AKAP19: variants seen among roughly 807,000 people sequenced by gnomAD.
AKAP19 encodes the protein A-kinase anchoring protein 19, also known as small A-kinase anchoring protein.
At chr2:189,913,957 T>A in the AKAP19 span, among the ~76,000 whole-genome samples, 4 of 152,066 alleles carry the variant, frequency 2.6e-5, no homozygotes, top group African/African-American at 9.7e-5. Context: ...AGACTATGCT[T>A]TAGAATATTC....
chr2:190,026,177 C>A, the AKAP19 span, among the ~76,000 whole-genome samples: 1 of 152,176 alleles, frequency 6.6e-6, no homozygotes, highest in Non-Finnish European at 1.5e-5. Context: ...GTTTCTTCTA[C>A]TCCAGGGATG....
the AKAP19 span, among the ~76,000 whole-genome samples, chr2:189,936,730 A>G: frequency 6.6e-6 from 1 of 152,232 alleles, no homozygotes; most frequent in Admixed American, 6.5e-5. Context: ...ATGATCTGAT[A>G]CACACAACAA....
chr2:190,015,366 C>T, the AKAP19 span, among the ~76,000 whole-genome samples: 1 of 152,184 alleles, frequency 6.6e-6, no homozygotes, highest in South Asian at 2.1e-4. Context: ...GGGGCTTATA[C>T]CCTCTGAAAC....
chr2:190,152,502 A>G, the AKAP19 span, among the ~76,000 whole-genome samples: 1,590 of 152,352 alleles, frequency 0.01, 25 homozygotes, highest in African/African-American at 0.036. Context: ...CTGTCTTTTC[A>G]TAAGCCAATC....
At chr2:190,053,974 A>G in the AKAP19 span, among the ~76,000 whole-genome samples, 5 of 152,120 alleles carry the variant, frequency 3.3e-5, no homozygotes, top group Non-Finnish European at 5.9e-5. Flanking sequence ...AAAAATTTTT[A>G]TATATGTTAT....
At chr2:190,180,602 A>T in the AKAP19 span, 1 of 985,684 alleles carries the variant, frequency 1.0e-6, no homozygotes, top group South Asian at 4.7e-5. The surrounding 1 kb of genome is among the most constrained non-coding windows in gnomAD (Gnocchi z 6.8). Flanking sequence ...GGTGGCCCAG[A>T]CCAACCGGCT....
chr2:190,140,580 A>G, the AKAP19 span, among the ~76,000 whole-genome samples: 1 of 152,194 alleles, frequency 6.6e-6, no homozygotes, highest in Non-Finnish European at 1.5e-5. Context: ...CTCTGAAGCC[A>G]TGGCCACACT....
At chr2:190,164,182 A>C in the AKAP19 span, 3 of 152,392 alleles carry the variant, frequency 2.0e-5, no homozygotes, top group Non-Finnish European at 4.4e-5. Flanking sequence ...TGAAAAACTT[A>C]GTCCTGCAAT....
At chr2:189,908,394 A>G in the AKAP19 span, among the ~76,000 whole-genome samples, 1 of 151,992 alleles carries the variant, frequency 6.6e-6, no homozygotes, top group African/African-American at 2.4e-5. Context: ...ATGGGGTTTC[A>G]TCACGTTGGC....
chr2:190,045,302 A>G, the AKAP19 span, among the ~76,000 whole-genome samples: 1 of 152,098 alleles, frequency 6.6e-6, no homozygotes, highest in Non-Finnish European at 1.5e-5. Flanking sequence ...TGGACTCTCC[A>G]AAGCCCAAAG....
chr2:190,140,600 C>T, the AKAP19 span, among the ~76,000 whole-genome samples: 368 of 152,292 alleles, frequency 2.4e-3, 1 homozygote, highest in Non-Finnish European at 4.4e-3. Flanking sequence ...TGTACCTTGG[C>T]CCCTTTTAGC....
the AKAP19 span, among the ~76,000 whole-genome samples, chr2:190,146,982 C>T: frequency 3.9e-5 from 6 of 152,246 alleles, no homozygotes; most frequent in South Asian, 6.2e-4. Context: ...TTCATTTTGG[C>T]GTGCAAAAGC....
chr2:190,154,640 C>T, the AKAP19 span, among the ~76,000 whole-genome samples: 1 of 152,170 alleles, frequency 6.6e-6, no homozygotes, highest in Non-Finnish European at 1.5e-5. Context: ...AGAAGTGTCT[C>T]TTGTATACAA....
At chr2:190,061,344 A>G in the AKAP19 span, among the ~76,000 whole-genome samples, 1 of 151,992 alleles carries the variant, frequency 6.6e-6, no homozygotes, top group Non-Finnish European at 1.5e-5. Flanking sequence ...TCTTTCCTGG[A>G]GAAAGTATTC....
At chr2:190,089,445 C>T in the AKAP19 span, 1 of 151,866 alleles carries the variant, frequency 6.6e-6, no homozygotes, top group Admixed American at 6.6e-5. Context: ...CAGTCCTATC[C>T]TGAAGGTTTT....
At chr2:189,997,633 C>A in the AKAP19 span, among the ~76,000 whole-genome samples, 1 of 152,176 alleles carries the variant, frequency 6.6e-6, no homozygotes, top group Non-Finnish European at 1.5e-5. Context: ...ACTAACAGCA[C>A]CAAGTTTATC....
At chr2:190,162,951 T>C in the AKAP19 span, among the ~76,000 whole-genome samples, 1 of 152,228 alleles carries the variant, frequency 6.6e-6, no homozygotes, top group Non-Finnish European at 1.5e-5. Context: ...AAAGTTCTTA[T>C]ATAAGCAAAT....
chr2:189,990,767 A>T, the AKAP19 span, among the ~76,000 whole-genome samples: 3 of 152,042 alleles, frequency 2.0e-5, no homozygotes, highest in Non-Finnish European at 2.9e-5. Flanking sequence ...TGCATGGAAA[A>T]GTTCTTTAGT....
At chr2:189,887,810 G>GT in the AKAP19 span, among the ~76,000 whole-genome samples, 9,844 of 150,210 alleles carry the variant, frequency 0.066, 459 homozygotes, top group African/African-American at 0.14. Context: ...CTTTTTGATG[G>GT]TTTTTTTTTC....
Sources: gnomAD v4.1 joint callset for allele counts (sites outside exome capture counted in the v4.1 genomes callset) on GRCh38, gnomAD v4.1.1 for gene constraint, Gnocchi (gnomAD v3.1) non-coding constraint, MANE v1.5 for transcripts, NCBI Gene and HGNC (gene_info 2026-07-23, HGNC 2026-07-21) for gene names.